Variants in ACACA observed in about 807,000 individuals in gnomAD.
ACACA encodes acetyl-CoA carboxylase alpha.
In ACACA, 103 loss-of-function variants were observed where a neutral mutation model predicts 296.1. The ratio of observed to expected loss-of-function variants is 0.35; its 90% CI spans 0.30 to 0.41. The LOEUF (loss-of-function observed/expected upper bound fraction) is 0.41. ACACA is among the 10% of genes least tolerant of loss of function. The pLI is 1.00. For missense variants in ACACA, 1,554 were observed against 2,989.7 expected (o/e 0.52, Z 11.20); for synonymous variants, 953 against 1,038.6 (o/e 0.92, Z 1.58).
intron 1 of ACACA, among the ~76,000 whole-genome samples, chr17:37,342,729 G>A (rs1389321906): frequency 2.6e-5 from 4 of 151,030 alleles, no homozygotes; most frequent in Non-Finnish European, 5.9e-5. Flanking sequence ...AGAATCCCTT[G>A]AGTCCAGGAG....
At chr17:37,179,139 T>C in intron 41 of ACACA, 121 bp downstream of exon 41, 1 of 1,240,128 alleles carries the variant, frequency 8.1e-7, no homozygotes, top group Non-Finnish European at 1.2e-6. Context: ...GTCAATGCTC[T>C]CTCTAAAGAA....
intron 1 of ACACA, among the ~76,000 whole-genome samples, chr17:37,363,929 C>T (rs1285571104): frequency 1.3e-5 from 2 of 151,700 alleles, no homozygotes; most frequent in African/African-American, 4.8e-5. Flanking sequence ...TCAAGACTAG[C>T]CTGGCCAATA....
chr17:37,378,173 T>C (rs78286030), intron 1 of ACACA, among the ~76,000 whole-genome samples: 2,539 of 152,172 alleles, frequency 0.017, 34 homozygotes, highest in Non-Finnish European at 0.024. Context: ...TGGATGGAGA[T>C]GAAAAAAGAG....
intron 3 of ACACA, among the ~76,000 whole-genome samples, chr17:37,308,151 T>C (rs535100554): frequency 6.6e-6 from 1 of 152,168 alleles, no homozygotes; most frequent in African/African-American, 2.4e-5. Context: ...CACAATGGAT[T>C]ACACTAAAAA....
chr17:37,390,308 A>ATATATATATAT (rs1568096004), intron 1 of ACACA, among the ~76,000 whole-genome samples: 8 of 45,462 alleles, frequency 1.8e-4, no homozygotes, highest in Non-Finnish European at 2.6e-4. Context: ...ACATAATTAT[A>ATATATATATAT]TATATATATA....
In ACACA at chr17:37,130,222, G is replaced by C. The variant is rs753062358; in HGVS notation, c.5680-4C>G. The C allele has an allele frequency of 1.4e-5, 23 of 1,614,074 alleles. No homozygotes were observed. In the African/African-American group the frequency reaches 2.5e-4, roughly 18 times the overall value. Reference sequence around the variant, plus strand: ...TGTACACTTCCCGCCCGAGGACCTAGAGAAAAGAGCAAGAGAAAAGACATT... The same window carrying C: ...TGTACACTTCCCGCCCGAGGACCTACAGAAAAGAGCAAGAGAAAAGACATT... On this transcript the variant is annotated splice_polypyrimidine_tract_variant and splice_region_variant and intron_variant, in intron 45 of 55. Transcript: ENST00000616317.
chr17:37,181,112 C>G (rs1244952974), intron 40 of ACACA, 89 bp downstream of exon 40: 1 of 1,431,890 alleles, frequency 7.0e-7, no homozygotes, highest in African/African-American at 1.4e-5. Flanking sequence ...CTTTGGAGTG[C>G]CCCCTTCTAG....
At chr17:37,332,717 A>G (rs917140532) in intron 2 of ACACA, among the ~76,000 whole-genome samples, 1 of 151,844 alleles carries the variant, frequency 6.6e-6, no homozygotes, top group Non-Finnish European at 1.5e-5. Flanking sequence ...TTCAACACCA[A>G]CCTGGCCAAC....
chr17:37,266,542 T>C (rs2081788649), intron 10 of ACACA, among the ~76,000 whole-genome samples: 1 of 152,146 alleles, frequency 6.6e-6, no homozygotes. Flanking sequence ...CTTAAAGATT[T>C]CTGAGGCCTT....
At chr17:37,092,352 C>T (rs1420289619) in intron 54 of ACACA, among the ~76,000 whole-genome samples, 2 of 151,970 alleles carry the variant, frequency 1.3e-5, no homozygotes, top group Non-Finnish European at 1.5e-5. Flanking sequence ...ATATGCTAGG[C>T]TGCTAACATC....
intron 41 of ACACA, 125 bp from the exon 42 acceptor site, chr17:37,162,175 G>T: frequency 2.0e-6 from 2 of 1,022,674 alleles, no homozygotes; most frequent in Non-Finnish European, 3.0e-6. Context: ...TTGCTAAAGA[G>T]CCAAACTCCC....
Position 37,283,256 on chromosome 17 carries a change from T to G in ACACA, c.610+11A>C, listed in dbSNP as rs2082626083. On this transcript the variant is annotated intron_variant, in intron 5 of 55. Coordinates refer to ENST00000616317, the MANE Select transcript of ACACA (RefSeq NM_198834.3). ...TTTGAGAGTGATGCTTTCATAATGC[T>G]AATAACTCACCTGCATTGGCTTTAA... is the stretch of plus-strand genomic sequence containing the variant. 1.2e-6 allele frequency: 2 copies of G among 1,614,114 alleles called. No individual in the cohort carries two copies. Among genetic ancestry groups the G allele is most frequent in the African/African-American group, 1.3e-5 (1 of 75,056 alleles).
chr17:37,185,123 T>C (rs1284701044), intron 39 of ACACA, among the ~76,000 whole-genome samples: 3 of 152,210 alleles, frequency 2.0e-5, no homozygotes, highest in Admixed American at 6.5e-5. Flanking sequence ...GTGATGTATC[T>C]ACCACAACTG....
At chr17:37,092,808 G>A (rs2072736286) in intron 54 of ACACA, among the ~76,000 whole-genome samples, 1 of 152,228 alleles carries the variant, frequency 6.6e-6, no homozygotes, top group Non-Finnish European at 1.5e-5. Context: ...ACAGCCTGAT[G>A]GGTGTAGGGA....
intron 1 of ACACA, among the ~76,000 whole-genome samples, chr17:37,344,673 G>T (rs1026944666): frequency 4.6e-5 from 7 of 152,136 alleles, no homozygotes; most frequent in Non-Finnish European, 1.0e-4. Context: ...TTGGAAAGCA[G>T]ACAGAAGAGC....
At chr17:37,153,715 C>T (rs2076131689) in intron 43 of ACACA, among the ~76,000 whole-genome samples, 1 of 151,914 alleles carries the variant, frequency 6.6e-6, no homozygotes, top group Admixed American at 6.5e-5. Flanking sequence ...TGTTTAACTA[C>T]CTAATAAGCA....
chr17:37,099,571 T>G (rs983837541), intron 52 of ACACA, among the ~76,000 whole-genome samples: 6,656 of 88,130 alleles, frequency 0.076, 27 homozygotes, highest in African/African-American at 0.18. Flanking sequence ...GGAGGGCTGA[T>G]GGCGGGAGGG....
intron 19 of ACACA, among the ~76,000 whole-genome samples, chr17:37,246,357 T>A (rs1291883166): frequency 6.6e-6 from 1 of 152,156 alleles, no homozygotes; most frequent in East Asian, 1.9e-4. Context: ...AATCTTAAGG[T>A]TCGCACTTCT....
At chr17:37,331,938 T>C (rs1214199143) in intron 2 of ACACA, among the ~76,000 whole-genome samples, 1 of 152,126 alleles carries the variant, frequency 6.6e-6, no homozygotes, top group Non-Finnish European at 1.5e-5. Flanking sequence ...ATGAGTTTTT[T>C]CTTAAATTAT....
Sources: gnomAD v4.1 joint callset for allele counts (sites outside exome capture counted in the v4.1 genomes callset) on GRCh38, gnomAD v4.1.1 for gene constraint, MANE v1.5 for transcripts, NCBI Gene and HGNC (gene_info 2026-07-23, HGNC 2026-07-21) for gene names.